CAMKMT: variants seen among roughly 807,000 people sequenced by gnomAD.
The protein encoded by CAMKMT is calmodulin-lysine N-methyltransferase, also known as CaM KMT.
In CAMKMT, 53 loss-of-function variants were observed where a neutral mutation model predicts 48.0. The observed-to-expected ratio is 1.10, with a 90% CI of 0.89 to 1.39. The LOEUF is 1.39. Ranked by LOEUF, CAMKMT falls within the 40% of genes most tolerant of loss-of-function variation. The pLI is 0.00. For synonymous variants in CAMKMT, 165 were observed against 152.3 expected (o/e 1.08, Z -0.61); for missense variants, 428 against 402.7 (o/e 1.06, Z -0.54).
At position 44,727,076 on chromosome 2, in the gene CAMKMT, C is replaced by G. The variant is rs1362562704; in HGVS notation, c.623+11723C>G. ...GGTGCCTCTGGCTTTGTTCTTTTTGCTCAGGATTGTTTTGGCTATTTGGAC... is the reference window on the plus strand; with the variant it reads ...GGTGCCTCTGGCTTTGTTCTTTTTGGTCAGGATTGTTTTGGCTATTTGGAC... On this transcript the variant is annotated intron_variant, in intron 7 of 10. Coordinates refer to ENST00000378494, the MANE Select transcript of CAMKMT (RefSeq NM_024766.5). 2.0e-5 allele frequency among the ~76,000 whole-genome samples: 3 copies of G among 151,986 alleles called. No homozygotes were observed. The South Asian group carries it at 6.2e-4, about 32-fold the overall frequency.
At chr2:44,630,101 A>G (rs1370977075) in intron 3 of CAMKMT, among the ~76,000 whole-genome samples, 1 of 151,788 alleles carries the variant, frequency 6.6e-6, no homozygotes, top group Non-Finnish European at 1.5e-5. Context: ...ACATATCTAC[A>G]ACTATCTGAT....
chr2:44,672,715 A>G (rs1206198184), intron 3 of CAMKMT, among the ~76,000 whole-genome samples: 1 of 152,212 alleles, frequency 6.6e-6, no homozygotes, highest in African/African-American at 2.4e-5. Context: ...AGCTCTGGGT[A>G]CCAGGCACTT....
intron 3 of CAMKMT, among the ~76,000 whole-genome samples, chr2:44,472,644 G>T (rs567211572): frequency 2.6e-5 from 4 of 152,312 alleles, no homozygotes; most frequent in African/African-American, 7.2e-5. Context: ...CTTGGTGCCT[G>T]TCACCTAGGA....
chr2:44,362,328 T>C (rs1677970609), intron 1 of CAMKMT, among the ~76,000 whole-genome samples, 183 bp downstream of exon 1: 1 of 152,018 alleles, frequency 6.6e-6, no homozygotes, highest in South Asian at 2.1e-4. Context: ...GGAGGAATCA[T>C]GTGGGGTTGG....
At chr2:44,551,264 A>G (rs993284936) in intron 3 of CAMKMT, among the ~76,000 whole-genome samples, 2 of 152,158 alleles carry the variant, frequency 1.3e-5, no homozygotes, top group Non-Finnish European at 2.9e-5. Context: ...CTTCTATGTC[A>G]CATTAATTGT....
intron 3 of CAMKMT, among the ~76,000 whole-genome samples, chr2:44,669,747 C>G (rs989127311): frequency 1.3e-5 from 2 of 152,098 alleles, no homozygotes; most frequent in Non-Finnish European, 2.9e-5. Context: ...AGGTGATCCT[C>G]CCACCTCAGC....
chr2:44,612,376 A>G (rs1317687564), intron 3 of CAMKMT, among the ~76,000 whole-genome samples: 1 of 152,176 alleles, frequency 6.6e-6, no homozygotes, highest in African/African-American at 2.4e-5. Flanking sequence ...ATAGCATCAC[A>G]CTCATCACCA....
At chr2:44,522,016 T>C (rs1383268112) in intron 3 of CAMKMT, among the ~76,000 whole-genome samples, 2 of 151,720 alleles carry the variant, frequency 1.3e-5, no homozygotes, top group African/African-American at 2.4e-5. Flanking sequence ...TCTTTCTTTT[T>C]TTTTTTTTGA....
intron 7 of CAMKMT, among the ~76,000 whole-genome samples, chr2:44,741,254 C>T (rs1274452178): frequency 1.3e-5 from 2 of 152,312 alleles, no homozygotes; most frequent in East Asian, 1.9e-4. Flanking sequence ...CATGCTCTCA[C>T]GAGCATGCAT....
intron 3 of CAMKMT, among the ~76,000 whole-genome samples, chr2:44,475,320 T>A (rs1380425922): frequency 6.1e-4 from 4 of 6,564 alleles, no homozygotes; most frequent in African/African-American, 2.0e-3. Context: ...TAGGTTGAAA[T>A]TTTTTTTTTT....
intron 2 of CAMKMT, among the ~76,000 whole-genome samples, chr2:44,375,672 T>C (rs1269173192): frequency 1.3e-5 from 2 of 151,996 alleles, no homozygotes; most frequent in African/African-American, 2.4e-5. Context: ...ATACACAGGG[T>C]AAGAAAGAGC....
At chr2:44,420,693 G>A (rs958854179) in intron 3 of CAMKMT, among the ~76,000 whole-genome samples, 2 of 151,986 alleles carry the variant, frequency 1.3e-5, no homozygotes, top group Non-Finnish European at 2.9e-5. Context: ...CTAGAAGATA[G>A]TGTGGATAAT....
At chr2:44,414,419 C>T (rs182545078) in intron 3 of CAMKMT, among the ~76,000 whole-genome samples, 14 of 152,168 alleles carry the variant, frequency 9.2e-5, no homozygotes, top group Non-Finnish European at 1.5e-4. Flanking sequence ...GAAAATCTTT[C>T]CGGGGTCACT....
At chr2:44,630,392 A>G (rs1477099845) in intron 3 of CAMKMT, among the ~76,000 whole-genome samples, 1 of 151,950 alleles carries the variant, frequency 6.6e-6, no homozygotes, top group Non-Finnish European at 1.5e-5. Context: ...CAAAATTGAC[A>G]AATGGGATCT....
Position 44,372,861 on chromosome 2 carries a change from T to G in CAMKMT, c.284T>G (p.Phe95Cys). Residue 95 changes from phenylalanine to cysteine, a missense_variant, in exon 2 of 11, where the codon TTC becomes TGC. Phe to Cys is a radical substitution (Grantham distance 205). Transcript: ENST00000378494. Reference protein sequence around the residue: ...VGAWVQYTSIFCPEYSISLRH... With the variant: ...VGAWVQYTSICCPEYSISLRH... The stretch of plus-strand genomic sequence containing the variant: ...GCATGGGTCCAATATACAAGCATCT[T>G]CTGTCCTGAATACAGTATCTCCTTA... The G allele has an allele frequency of 6.2e-7, 1 of 1,613,878 alleles. No homozygotes were observed. The highest frequency in any genetic ancestry group is 8.5e-7 in the Non-Finnish European group (1 of 1,179,868).
chr2:44,499,489 A>G (rs1669908755), intron 3 of CAMKMT, among the ~76,000 whole-genome samples: 1 of 152,214 alleles, frequency 6.6e-6, no homozygotes, highest in Non-Finnish European at 1.5e-5. Context: ...ACATACTAAA[A>G]CATCAGTACA....
At chr2:44,709,908 T>G (rs1677783645) in intron 6 of CAMKMT, among the ~76,000 whole-genome samples, 1 of 152,142 alleles carries the variant, frequency 6.6e-6, no homozygotes, top group Non-Finnish European at 1.5e-5. Flanking sequence ...GATGAGCACA[T>G]TAAGAAACAA....
At chr2:44,579,140 T>C (rs982327728) in intron 3 of CAMKMT, among the ~76,000 whole-genome samples, 2 of 152,326 alleles carry the variant, frequency 1.3e-5, no homozygotes, top group South Asian at 2.1e-4. Flanking sequence ...TAAACTGATA[T>C]CAGCTACCAT....
At chr2:44,473,167 A>G (rs1244457394) in intron 3 of CAMKMT, among the ~76,000 whole-genome samples, 3 of 152,248 alleles carry the variant, frequency 2.0e-5, no homozygotes, top group African/African-American at 7.2e-5. Flanking sequence ...TACTAAAAAG[A>G]AAATCAGAGA....
Sources: gnomAD v4.1 joint callset for allele counts (sites outside exome capture counted in the v4.1 genomes callset) on GRCh38, gnomAD v4.1.1 for gene constraint, MANE v1.5 for transcripts, NCBI Gene and HGNC (gene_info 2026-07-23, HGNC 2026-07-21) for gene names.